The following PHLPP2 variants were observed in gnomAD, a reference collection of about 807,000 sequenced individuals.
PHLPP2 encodes the protein PH domain leucine-rich repeat-containing protein phosphatase 2.
PHLPP2 carries 66 observed loss-of-function variants against 124.9 expected under a neutral mutation model. The observed-to-expected ratio is 0.53, with a 90% CI of 0.43 to 0.65. PHLPP2 has a LOEUF of 0.65. Ranked by LOEUF, PHLPP2 falls within the 30% of genes least tolerant of loss-of-function variation. PHLPP2 has a pLI of 0.00. For missense variants in PHLPP2, 1,685 were observed against 1,600.4 expected (o/e 1.05, Z -0.90); for synonymous variants, 681 against 624.7 (o/e 1.09, Z -1.34).
intron 1 of PHLPP2, 158 bp from the exon 2 acceptor site, chr16:71,714,959 TA>T: frequency 3.5e-6 from 3 of 869,398 alleles, no homozygotes; most frequent in Non-Finnish European, 3.4e-6. Context: ...TGCTCATTCG[TA>T]ATAACTCAGA....
At chr16:71,657,190 G>A (rs995845389) in intron 15 of PHLPP2, among the ~76,000 whole-genome samples, 6 of 151,498 alleles carry the variant, frequency 4.0e-5, no homozygotes, top group East Asian at 2.0e-4. Context: ...TGATCCGCCC[G>A]CCTCGGCCTC....
At chr16:71,702,877 G>C (rs1597013880) in intron 2 of PHLPP2, 146 bp from the exon 3 acceptor site, 1 of 534,872 alleles carries the variant, frequency 1.9e-6, no homozygotes, top group East Asian at 3.0e-5. Flanking sequence ...TGAAGTCTGG[G>C]CTTTTAGTGT....
At chr16:71,663,787 T>C (rs566697402) in intron 13 of PHLPP2, 112 bp downstream of exon 13, 2 of 801,476 alleles carry the variant, frequency 2.5e-6, no homozygotes, top group African/African-American at 3.4e-5. Context: ...TCATAGCATC[T>C]GTAAGTCAGT....
intron 1 of PHLPP2, chr16:71,723,627 C>CT: frequency 2.8e-6 from 1 of 353,168 alleles, no homozygotes; most frequent in Non-Finnish European, 4.7e-6. Context: ...GGCCGACTGA[C>CT]TGACGCCGGG....
intron 1 of PHLPP2, among the ~76,000 whole-genome samples, chr16:71,721,916 A>C (rs2045400888): frequency 6.6e-6 from 1 of 152,204 alleles, no homozygotes; most frequent in African/African-American, 2.4e-5. Flanking sequence ...GCTAAGTTAG[A>C]CTGGCTTAGT....
intron 12 of PHLPP2, among the ~76,000 whole-genome samples, chr16:71,664,619 G>C (rs1292580668): frequency 6.6e-6 from 1 of 152,098 alleles, no homozygotes; most frequent in Non-Finnish European, 1.5e-5. Context: ...GGGTGTGGTG[G>C]TGCACTCCTG....
chr16:71,682,408 C>G (rs959277860), intron 5 of PHLPP2, among the ~76,000 whole-genome samples: 2 of 151,978 alleles, frequency 1.3e-5, no homozygotes, highest in Non-Finnish European at 2.9e-5. Context: ...GTTTCGAACT[C>G]CTGACCTCAG....
chr16:71,672,529 G>A (rs2044904408), intron 9 of PHLPP2, among the ~76,000 whole-genome samples: 1 of 152,172 alleles, frequency 6.6e-6, no homozygotes. Flanking sequence ...GCTAATTGAA[G>A]GATCCTGTGT....
At chr16:71,665,497 A>G (rs958209319) in intron 12 of PHLPP2, among the ~76,000 whole-genome samples, 19 of 152,212 alleles carry the variant, frequency 1.2e-4, no homozygotes, top group African/African-American at 4.6e-4. Flanking sequence ...GGCAGCTATT[A>G]TTACTAAACT....
chr16:71,674,382 C>CTT (rs371726738), intron 9 of PHLPP2, among the ~76,000 whole-genome samples: 56 of 141,346 alleles, frequency 4.0e-4, no homozygotes, highest in South Asian at 8.9e-4. Flanking sequence ...CAGGCCCAGA[C>CTT]TTTTTTTTTT....
intron 5 of PHLPP2, among the ~76,000 whole-genome samples, chr16:71,684,188 C>T (rs1470839072): frequency 2.1e-5 from 3 of 146,064 alleles, no homozygotes; most frequent in Non-Finnish European, 3.0e-5. Context: ...TGCAGTGGCG[C>T]GATGTCGGCT....
chr16:71,698,640 G>T, intron 3 of PHLPP2: 1 of 591,802 alleles, frequency 1.7e-6, no homozygotes, highest in Non-Finnish European at 3.2e-6. Flanking sequence ...AGCTGCTGTG[G>T]GCAGCCATTG....
In PHLPP2 at chr16:71,649,519, C is replaced by G. The variant is rs747559413; in HGVS notation, c.3343G>C (p.Glu1115Gln). The G allele has an allele frequency of 1.2e-6, 2 of 1,614,172 alleles. No individual in the cohort carries two copies. The highest frequency in any genetic ancestry group is 1.7e-6 in the Non-Finnish European group (2 of 1,180,026). ...GLDTALLPRP[E>Q]RRCSLHPTPT... is the part of the protein sequence containing the mutation. ...GTTGGGTGGAGGCTGCAGCGCCGCTCTGGCCTCGGAAGCAAGGCAGTGTCC... is the reference window on the plus strand; with the variant it reads ...GTTGGGTGGAGGCTGCAGCGCCGCTGTGGCCTCGGAAGCAAGGCAGTGTCC... The change falls in exon 19 of 19, where the codon GAG (glutamate) becomes CAG (glutamine). Residue 1115 changes from glutamate (E) to glutamine (Q), a missense_variant. Coordinates refer to ENST00000568954, the MANE Select transcript of PHLPP2 (RefSeq NM_015020.3).
Position 71,648,687 on chromosome 16 carries a change from G to C in PHLPP2, c.*203C>G, listed in dbSNP as rs13333988. The stretch of plus-strand genomic sequence containing the variant: ...CTCGGGAGGCTGAGACAGGAGAATG[G>C]CTTGAACCCAGGGACAGAGGCTGCA... On this transcript the variant is annotated 3_prime_UTR_variant, in exon 19 of 19. Coordinates refer to ENST00000568954, the MANE Select transcript of PHLPP2 (RefSeq NM_015020.3). 1.3e-5 allele frequency: 7 copies of C among 559,740 alleles called. No homozygotes were observed. The highest frequency in any genetic ancestry group is 1.9e-5 in the Non-Finnish European group (6 of 316,076). The allele number at this position is 559,740 out of a possible 1,614,324, so 34.7% of individuals were successfully genotyped here. A position where few individuals can be genotyped will look rare whatever the true frequency, so the allele number is the denominator to read the frequency against.
intron 4 of PHLPP2, 126 bp downstream of exon 4, chr16:71,690,393 T>A (rs2045098370): frequency 2.9e-6 from 2 of 691,232 alleles, no homozygotes; most frequent in East Asian, 2.7e-5. Context: ...GTCTCTGATA[T>A]AATCTTTAAT....
intron 11 of PHLPP2, among the ~76,000 whole-genome samples, chr16:71,668,674 G>A (rs1244331746): frequency 6.6e-6 from 1 of 151,844 alleles, no homozygotes; most frequent in Non-Finnish European, 1.5e-5. Context: ...TGAGGACAGA[G>A]AATCACCTGA....
intron 3 of PHLPP2, among the ~76,000 whole-genome samples, chr16:71,702,002 G>T (rs1412091204): frequency 6.6e-6 from 1 of 152,056 alleles, no homozygotes; most frequent in African/African-American, 2.4e-5. Context: ...AGTGGATAAG[G>T]GGGGACTACC....
intron 10 of PHLPP2, among the ~76,000 whole-genome samples, chr16:71,671,679 C>T (rs1383949212): frequency 6.6e-6 from 1 of 151,896 alleles, no homozygotes; most frequent in Non-Finnish European, 1.5e-5. Flanking sequence ...CTTTGGAAGG[C>T]CAAGGCAGGC....
chr16:71,701,298 ATC>A (rs1567626529), intron 3 of PHLPP2, among the ~76,000 whole-genome samples: 4 of 91,626 alleles, frequency 4.4e-5, no homozygotes, highest in Non-Finnish European at 6.4e-5. Context: ...CTATCTATCT[ATC>A]TATCTATCTA....
Sources: allele counts gnomAD v4.1 joint callset (sites outside exome capture counted in the v4.1 genomes callset), GRCh38; gene constraint gnomAD v4.1.1; transcripts MANE v1.5; gene names NCBI Gene and HGNC (gene_info 2026-07-23, HGNC 2026-07-21).